The following CCR3 variants were observed in gnomAD, a reference collection of about 807,000 sequenced individuals.
CCR3 encodes the protein C-C motif chemokine receptor 3.
For missense variants in CCR3, 419 were observed against 437.5 expected (o/e 0.96, Z 0.38); for synonymous variants, 203 against 179.2 (o/e 1.13, Z -1.06).
At chr3:46,260,030 C>T (rs557653905) in intron 1 of CCR3, among the ~76,000 whole-genome samples, 40 of 152,312 alleles carry the variant, frequency 2.6e-4, no homozygotes, top group Non-Finnish European at 4.1e-4. Flanking sequence ...AGGCACATCT[C>T]ATATGGTGGC....
chr3:46,212,900 T>G (rs1036583978), intron 2 of CCR3, among the ~76,000 whole-genome samples: 1 of 152,056 alleles, frequency 6.6e-6, no homozygotes, highest in Non-Finnish European at 1.5e-5. Context: ...ACCTCTGAGG[T>G]TTTTAAACTT....
In CCR3 at chr3:46,266,163, G is replaced by A; in HGVS notation, c.1005G>A (p.Lys335=). ...GRYIPFLPSE[K]LERTSSVSPS... Reference sequence around the variant, plus strand: ...ACATCCCATTCCTTCCTAGTGAGAAGCTGGAAAGAACCAGCTCTGTCTCTC... The same window carrying A: ...ACATCCCATTCCTTCCTAGTGAGAAACTGGAAAGAACCAGCTCTGTCTCTC... Residue 335 remains lysine, a synonymous_variant, in exon 2 of 2, where the codon AAG becomes AAA. Coordinates refer to ENST00000395940, the MANE Select transcript of CCR3 (RefSeq NM_178329.3). 3 of 1,614,104 alleles carry A rather than the reference G, an allele frequency of 1.9e-6. No individual in the cohort carries two copies. In the Middle Eastern group the frequency reaches 5.0e-4, roughly 266 times the overall value.
At chr3:46,234,260 A>G (rs1028059258) in intron 2 of CCR3, among the ~76,000 whole-genome samples, 2 of 152,188 alleles carry the variant, frequency 1.3e-5, no homozygotes, top group Admixed American at 1.3e-4. Flanking sequence ...AATCTCCAGG[A>G]GTGTTTTCTA....
rs1700603003 is a variant in CCR3, at chr3:46,265,451, A to G, written c.293A>G (p.Asn98Ser). 2 of 1,613,996 alleles carry G rather than the reference A, an allele frequency of 1.2e-6. No homozygotes were observed. Among genetic ancestry groups the G allele is most frequent in the Admixed American group, 3.3e-5 (2 of 60,000 alleles). ...TGGATCCACTATGTCAGGGGGCATAACTGGGTTTTTGGCCATGGCATGTGT... is the reference window on the plus strand; with the variant it reads ...TGGATCCACTATGTCAGGGGGCATAGCTGGGTTTTTGGCCATGGCATGTGT... ...PFWIHYVRGHNWVFGHGMCKL... is the reference protein window; with the variant it reads ...PFWIHYVRGHSWVFGHGMCKL... Residue 98 changes from asparagine (N) to serine (S), a missense_variant, in exon 2 of 2, where the codon AAC becomes AGC. Physicochemically the swap from Asn to Ser is conservative, Grantham distance 46. Transcript: ENST00000395940.
intron 1 of CCR3, among the ~76,000 whole-genome samples, chr3:46,249,277 G>A (rs1053941308): frequency 4.6e-5 from 7 of 152,202 alleles, no homozygotes; most frequent in South Asian, 2.1e-4. Context: ...AAAATATCTC[G>A]GCCTAATAAG....
rs199712992 is a variant in CCR3, at chr3:46,266,166, G to T, written c.1008G>T (p.Leu336=). The stretch of plus-strand genomic sequence containing the variant: ...TCCCATTCCTTCCTAGTGAGAAGCT[G>T]GAAAGAACCAGCTCTGTCTCTCCAT... ...RYIPFLPSEK[L]ERTSSVSPST... The change falls in exon 2 of 2, where the codon CTG becomes CTT. Residue 336 remains leucine (L), a synonymous_variant. Transcript: ENST00000395940. 6.2e-7 allele frequency: 1 copy of T among 1,614,014 alleles called. No homozygotes were observed. The highest frequency in any genetic ancestry group is 1.7e-4 in the Middle Eastern group (1 of 6,060).
At chr3:46,240,745 T>C (rs773405472), upstream of CCR3, among the ~76,000 whole-genome samples, 2 of 152,150 alleles carry the variant, frequency 1.3e-5, no homozygotes, top group Non-Finnish European at 2.9e-5. Context: ...ATTTATTTGC[T>C]CCTCACACAG....
intron 1 of CCR3, among the ~76,000 whole-genome samples, chr3:46,250,486 T>C (rs1700285393): frequency 6.6e-6 from 1 of 152,030 alleles, no homozygotes; most frequent in African/African-American, 2.4e-5. Context: ...AAGGGACTGA[T>C]GTGTAAAAGA....
At chr3:46,262,722 A>G (rs749385565) in intron 1 of CCR3, among the ~76,000 whole-genome samples, 2 of 152,018 alleles carry the variant, frequency 1.3e-5, no homozygotes, top group African/African-American at 2.4e-5. Flanking sequence ...CGGCGTGATC[A>G]CAGTTCACTG....
chr3:46,229,591 C>T (rs1699939391), intron 2 of CCR3, among the ~76,000 whole-genome samples: 1 of 152,058 alleles, frequency 6.6e-6, no homozygotes, highest in East Asian at 1.9e-4. Flanking sequence ...CAAAGGGACA[C>T]AAAGAATCTC....
At chr3:46,249,972 T>G (rs1304154618) in intron 1 of CCR3, among the ~76,000 whole-genome samples, 3 of 152,040 alleles carry the variant, frequency 2.0e-5, no homozygotes, top group African/African-American at 7.3e-5. Context: ...TTATTTAATG[T>G]CGGGAGCAGA....
intron 1 of CCR3, among the ~76,000 whole-genome samples, chr3:46,259,841 C>T (rs920677485): frequency 2.6e-5 from 4 of 152,086 alleles, no homozygotes; most frequent in Non-Finnish European, 5.9e-5. Context: ...TCCATTTAGC[C>T]AAAGTGACAA....
In CCR3 at chr3:46,217,553, A is replaced by G. The variant is rs1378462286; in HGVS notation, c.-68+6646A>G. ...CATGGAACATTCTCCAAGATAGACT[A>G]TATGATAGGCCACAAAATAAGTTTC... On this transcript the variant is annotated intron_variant, in intron 2 of 3. Coordinates refer to the CCR3 transcript ENST00000357422. 7.2e-5 allele frequency among the ~76,000 whole-genome samples: 11 copies of G among 152,198 alleles called. No homozygotes were observed. In the East Asian group the frequency reaches 1.5e-3, roughly 21 times the overall value.
At chr3:46,217,297 G>A (rs1699786682) in intron 2 of CCR3, among the ~76,000 whole-genome samples, 1 of 152,130 alleles carries the variant, frequency 6.6e-6, no homozygotes, top group African/African-American at 2.4e-5. Context: ...TAACACTGGA[G>A]CTCCCAAATT....
chr3:46,244,386 G>A (rs1700151954), intron 1 of CCR3, among the ~76,000 whole-genome samples: 1 of 152,228 alleles, frequency 6.6e-6, no homozygotes, highest in African/African-American at 2.4e-5. Flanking sequence ...GCGCGTCCGT[G>A]TGAAGAGACC....
chr3:46,248,199 G>A (rs572451903), intron 1 of CCR3, among the ~76,000 whole-genome samples: 10 of 152,264 alleles, frequency 6.6e-5, no homozygotes, highest in South Asian at 4.2e-4. Context: ...ACTGAAGTCC[G>A]GGCCAGGAAT....
chr3:46,220,844 A>T (rs73074163), intron 2 of CCR3, among the ~76,000 whole-genome samples: 8,541 of 152,194 alleles, frequency 0.056, 308 homozygotes, highest in Non-Finnish European at 0.084. Context: ...GACTCTGGAG[A>T]CTTAGACGGA....
chr3:46,231,212 T>C (rs546047448), intron 2 of CCR3, among the ~76,000 whole-genome samples: 1 of 152,334 alleles, frequency 6.6e-6, no homozygotes, highest in South Asian at 2.1e-4. Flanking sequence ...CATAAGCCAC[T>C]GTGCCAGGCC....
Position 46,243,648 on chromosome 3 carries a change from G to A in CCR3, c.-12+1110G>A, listed in dbSNP as rs187348608. On this transcript the variant is annotated intron_variant, in intron 1 of 1. Coordinates refer to ENST00000395940, the MANE Select transcript of CCR3 (RefSeq NM_178329.3). ...GGAATAAGGGGTCTTCCACATGGAT[G>A]TGGTATAAGTTGAAGTATATTTTTG... Among the ~76,000 whole-genome samples, 17 of 152,314 alleles carry A rather than the reference G, an allele frequency of 1.1e-4. No individual in the cohort carries two copies. In the East Asian group the frequency reaches 1.9e-3, roughly 17 times the overall value.
Sources: gnomAD v4.1 joint callset for allele counts (sites outside exome capture counted in the v4.1 genomes callset) on GRCh38, gnomAD v4.1.1 for gene constraint, MANE v1.5 for transcripts, NCBI Gene and HGNC (gene_info 2026-07-23, HGNC 2026-07-21) for gene names.